Variants in MRPS6 observed in about 807,000 individuals in gnomAD.
MRPS6 encodes the protein small ribosomal subunit protein bS6m.
A neutral mutation model predicts 13.1 loss-of-function variants in MRPS6; 6 were observed. The ratio of observed to expected loss-of-function variants is 0.46; its 90% confidence interval spans 0.25 to 0.91. MRPS6 has a LOEUF of 0.91. Ranked by LOEUF, MRPS6 falls within the 40% of genes least tolerant of loss-of-function variation. The pLI is 0.18. For missense variants in MRPS6, 164 were observed against 155.6 expected, an observed-to-expected ratio of 1.05 and a Z score of -0.29; for synonymous variants, 61 against 56.5, an observed-to-expected ratio of 1.08 and a Z score of -0.36.
intron 1 of MRPS6, among the ~76,000 whole-genome samples, chr21:34,117,579 G>A (rs1238741351): frequency 1.3e-5 from 2 of 152,138 alleles, no homozygotes; most frequent in Non-Finnish European, 2.9e-5. Flanking sequence ...CTACCCTTTT[G>A]GAGATGGGCT....
At chr21:34,085,001 C>T (rs1989539221) in intron 1 of MRPS6, among the ~76,000 whole-genome samples, 1 of 152,150 alleles carries the variant, frequency 6.6e-6, no homozygotes, top group African/African-American at 2.4e-5. Context: ...TTCCTCCTAA[C>T]CACAACATAG....
intron 1 of MRPS6, among the ~76,000 whole-genome samples, chr21:34,108,373 G>A (rs7282300): frequency 0.022 from 3,293 of 152,226 alleles, 126 homozygotes; most frequent in African/African-American, 0.074. Flanking sequence ...CAGTAACTGC[G>A]TGGGTTTGTA....
At chr21:34,127,340 T>G (rs1179925306) in intron 2 of MRPS6, among the ~76,000 whole-genome samples, 2 of 152,180 alleles carry the variant, frequency 1.3e-5, no homozygotes, top group African/African-American at 2.4e-5. Context: ...GTGTGGTCTC[T>G]GAAACGCTAA....
intron 1 of MRPS6, among the ~76,000 whole-genome samples, chr21:34,088,649 G>A (rs1978520579): frequency 6.6e-6 from 1 of 152,186 alleles, no homozygotes; most frequent in Non-Finnish European, 1.5e-5. Context: ...TAGTGATTAA[G>A]GGCAAAAGCT....
chr21:34,138,761 T>C (rs1468916332), intron 2 of MRPS6, among the ~76,000 whole-genome samples: 2 of 152,286 alleles, frequency 1.3e-5, no homozygotes, highest in East Asian at 3.9e-4. Flanking sequence ...AGTTCAACCA[T>C]TGTGGAAGTC....
chr21:34,139,304 T>G (rs1980824650), intron 2 of MRPS6, among the ~76,000 whole-genome samples: 1 of 151,800 alleles, frequency 6.6e-6, no homozygotes, highest in African/African-American at 2.4e-5. Flanking sequence ...ACCTGCACAT[T>G]GTGCACATGT....
chr21:34,074,309 T>C lies in MRPS6; in HGVS notation c.45+564T>C, dbSNP rs532252892. On this transcript the variant is annotated intron_variant, in intron 1 of 2. Transcript: ENST00000399312. ...TTGTGCCGTTGTCTGTATTCCAGTC[T>C]CTTGCAATCGCTCTCATGTTAAAAA... 7.2e-5 allele frequency among the ~76,000 whole-genome samples: 11 copies of C among 152,316 alleles called. No homozygotes were observed. The South Asian group carries it at 1.9e-3, about 26-fold the overall frequency.
chr21:34,116,178 T>TG lies in MRPS6; in HGVS notation c.46-9163_46-9162insG, dbSNP rs1979892869. ...TGTGTCCCACCATGCCCAGCTAATT[T>TG]TGTGTGTGTGTGTGTGTGTGTGTGT... On this transcript the variant is annotated intron_variant, in intron 1 of 2. Transcript: ENST00000399312. Among the ~76,000 whole-genome samples the TG allele has an allele frequency of 5.7e-3, 809 of 141,376 alleles. 8 individuals are homozygous for TG. The highest frequency in any genetic ancestry group is 0.021 in the African/African-American group (771 of 37,530). The allele number at this position is 141,376 out of a possible 152,430, so 92.7% of individuals were successfully genotyped here.
chr21:34,077,000 A>G lies in MRPS6; in HGVS notation c.45+3255A>G, dbSNP rs762611980. 3.0e-4 allele frequency among the ~76,000 whole-genome samples: 46 copies of G among 152,330 alleles called. 1 individual carries two copies. Among genetic ancestry groups the G allele is most frequent in the Middle Eastern group, 6.8e-3 (2 of 294 alleles). On this transcript the variant is annotated intron_variant, in intron 1 of 2. Transcript: ENST00000399312. ...TTCAGTGTGAGGAAGACCTCTGACA[A>G]TGGAAAAAGAAATGGATTGCCTGTG...
At chr21:34,107,231 C>T (rs966216381) in intron 1 of MRPS6, among the ~76,000 whole-genome samples, 4 of 152,266 alleles carry the variant, frequency 2.6e-5, no homozygotes, top group Admixed American at 2.0e-4. Context: ...TGTGCCCAGC[C>T]GGTATTGACA....
intron 1 of MRPS6, chr21:34,097,915 A>G: frequency 2.0e-6 from 2 of 997,292 alleles, no homozygotes; most frequent in Non-Finnish European, 2.4e-6. Context: ...CTGATTTCCC[A>G]AAGAAAGAAT....
chr21:34,098,550 C>T (rs1412803129), intron 1 of MRPS6: 1 of 1,000,082 alleles, frequency 1.0e-6, no homozygotes, highest in Non-Finnish European at 1.2e-6. Context: ...TGTTTCAGTG[C>T]AAACTGGCCG....
At chr21:34,097,187 C>T in intron 1 of MRPS6, 1 of 1,614,026 alleles carries the variant, frequency 6.2e-7, no homozygotes, top group Non-Finnish European at 8.5e-7. Flanking sequence ...GGTTTTGTGG[C>T]TTTAAAAGTA....
intron 2 of MRPS6, among the ~76,000 whole-genome samples, chr21:34,127,512 A>G (rs1350601077): frequency 6.6e-6 from 1 of 152,200 alleles, no homozygotes; most frequent in Non-Finnish European, 1.5e-5. Context: ...AATTCACTGT[A>G]TTTGATTATG....
At chr21:34,114,725 T>C (rs771513357) in intron 1 of MRPS6, among the ~76,000 whole-genome samples, 6 of 152,214 alleles carry the variant, frequency 3.9e-5, no homozygotes, top group Admixed American at 2.0e-4. Flanking sequence ...CTGAATGATA[T>C]TCTTTGATTT....
At chr21:34,121,462 C>A (rs1418999308) in intron 1 of MRPS6, among the ~76,000 whole-genome samples, 1 of 151,992 alleles carries the variant, frequency 6.6e-6, no homozygotes, top group African/African-American at 2.4e-5. Flanking sequence ...CCTAGTTTTT[C>A]TAGTTTCCAT....
Position 34,125,611 on chromosome 21 carries a change from CA to C in MRPS6, c.185+132del, listed in dbSNP as rs1164016927. 3 of 1,346,504 alleles carry C rather than the reference CA, an allele frequency of 2.2e-6. No individual in the cohort carries two copies. In the African/African-American group the frequency reaches 4.4e-5, roughly 20 times the overall value. 83.4% of individuals were successfully genotyped at this position (1,346,504 alleles called of 1,614,324 possible). A position where few individuals can be genotyped will look rare whatever the true frequency, so the allele number is the denominator to read the frequency against. On this transcript the variant is annotated intron_variant, in intron 2 of 2. Transcript: ENST00000399312. ...TGCGCCTAGGTGTCCTTTGGGTACA[CA>C]CTCTGGCAGTCTTGTGTTGCAGATG...
chr21:34,101,037 T>G, intron 1 of MRPS6: 1 of 1,000,162 alleles, frequency 1.0e-6, no homozygotes, highest in Non-Finnish European at 1.2e-6. Context: ...ACCTCACTGT[T>G]TCCTAGGTTT....
At chr21:34,079,180 T>A (rs1334834033) in intron 1 of MRPS6, among the ~76,000 whole-genome samples, 1 of 152,154 alleles carries the variant, frequency 6.6e-6, no homozygotes, top group Admixed American at 6.5e-5. Context: ...ATTTTACAGT[T>A]GAATAGGTGG....
Sources: gnomAD v4.1 joint callset for allele counts (sites outside exome capture counted in the v4.1 genomes callset) on GRCh38, gnomAD v4.1.1 for gene constraint, MANE v1.5 for transcripts, NCBI Gene and HGNC (gene_info 2026-07-23, HGNC 2026-07-21) for gene names.